GABPB1: variants seen among roughly 807,000 people sequenced by gnomAD.
The protein encoded by GABPB1 is GA binding protein transcription factor subunit beta 1, also known as GA-binding protein subunit beta-1.
A neutral mutation model predicts 45.9 loss-of-function variants in GABPB1; 15 were observed. The observed-to-expected ratio is 0.33, with a 90% CI of 0.22 to 0.50. GABPB1 has a LOEUF of 0.50. Ranked by LOEUF, GABPB1 falls within the 20% of genes least tolerant of loss-of-function variation. The pLI is 0.98. For missense variants in GABPB1, 252 were observed against 457.5 expected (o/e 0.55, Z 4.10); for synonymous variants, 143 against 154.4 (o/e 0.93, Z 0.55).
intron 7 of GABPB1, among the ~76,000 whole-genome samples, chr15:50,288,787 T>C (rs2046248827): frequency 6.6e-6 from 1 of 152,168 alleles, no homozygotes; most frequent in African/African-American, 2.4e-5. Flanking sequence ...GCTGCTAAAA[T>C]GTGCTACCAT....
chr15:50,354,761 C>T, intron 1 of GABPB1: 1 of 259,922 alleles, frequency 3.8e-6, no homozygotes, highest in South Asian at 3.1e-5. Flanking sequence ...AAGCAGTGTG[C>T]CCAGCGGACA....
At chr15:50,343,114 TG>T (rs2048440747) in intron 1 of GABPB1, among the ~76,000 whole-genome samples, 1 of 152,214 alleles carries the variant, frequency 6.6e-6, no homozygotes, top group Non-Finnish European at 1.5e-5. Flanking sequence ...TTAGCCAGGA[TG>T]GTCTCGATCT....
chr15:50,296,559 A>G (rs1279057655), intron 6 of GABPB1, among the ~76,000 whole-genome samples: 1 of 152,212 alleles, frequency 6.6e-6, no homozygotes, highest in Admixed American at 6.5e-5. Context: ...GGTCACAGAC[A>G]TATACCTTGG....
In GABPB1 at chr15:50,300,429, G is replaced by GTTTTTTTTTTTTTTT. The variant is rs1363908199; in HGVS notation, c.697+359_697+360insAAAAAAAAAAAAAAA. Among the ~76,000 whole-genome samples, 2 of 72,174 alleles carry GTTTTTTTTTTTTTTT rather than the reference G, an allele frequency of 2.8e-5. 1 individual carries two copies. The highest frequency in any genetic ancestry group is 5.3e-5 in the Non-Finnish European group (2 of 37,620). 47.3% of individuals were successfully genotyped at this position (72,174 alleles called of 152,430 possible). ...TTTGTAAATATTTGAATCTGCAACT[G>GTTTTTTTTTTTTTTT]TTTTTGGTTTTTTTTTTTTTTTTTT... is the stretch of plus-strand genomic sequence containing the variant. On this transcript the variant is annotated intron_variant, in intron 6 of 8. Coordinates refer to ENST00000380877, the MANE Select transcript of GABPB1 (RefSeq NM_016654.5).
In GABPB1 at chr15:50,337,800, C is replaced by A. The variant is rs150330629; in HGVS notation, c.-1+17185G>T. On this transcript the variant is annotated intron_variant, in intron 1 of 8. Transcript: ENST00000380877. ...AAGAAAAAAAAAGAATTACTTAGTTCTTTTTCATTACTGTTCCATACCCAA... is the reference window on the plus strand; with the variant it reads ...AAGAAAAAAAAAGAATTACTTAGTTATTTTTCATTACTGTTCCATACCCAA... Among the ~76,000 whole-genome samples, 334 of 152,164 alleles carry A rather than the reference C, an allele frequency of 2.2e-3. 2 individuals are homozygous for A. Among genetic ancestry groups the A allele is most frequent in the African/African-American group, 7.8e-3 (322 of 41,532 alleles).
At chr15:50,284,625 G>A (rs568455589) in intron 8 of GABPB1, among the ~76,000 whole-genome samples, 28 of 152,178 alleles carry the variant, frequency 1.8e-4, no homozygotes, top group African/African-American at 5.8e-4. Flanking sequence ...GGTAAATAAA[G>A]GTATAGGCTG....
intron 2 of GABPB1, 78 bp downstream of exon 2, chr15:50,309,613 A>G: frequency 1.2e-6 from 1 of 844,626 alleles, no homozygotes; most frequent in Non-Finnish European, 2.0e-6. Context: ...TATAAACACA[A>G]TACTGACTAC....
At chr15:50,302,880 GAT>G (rs1379922874) in intron 4 of GABPB1, 47 bp downstream of exon 4, 6 of 1,265,638 alleles carry the variant, frequency 4.7e-6, no homozygotes, top group African/African-American at 3.0e-5. Flanking sequence ...TCCCTCTACT[GAT>G]AAGGCTTCTT....
At chr15:50,338,747 G>T (rs2048235573) in intron 1 of GABPB1, among the ~76,000 whole-genome samples, 1 of 152,196 alleles carries the variant, frequency 6.6e-6, no homozygotes, top group South Asian at 2.1e-4. Context: ...CAGGATTACA[G>T]GCGTGAGCCA....
chr15:50,323,451 G>A (rs2047644802), intron 1 of GABPB1, among the ~76,000 whole-genome samples: 2 of 152,128 alleles, frequency 1.3e-5, no homozygotes, highest in South Asian at 4.1e-4. Context: ...AACACGTGCA[G>A]AGGCAAGAAG....
chr15:50,316,445 A>T (rs1197898297), intron 1 of GABPB1, among the ~76,000 whole-genome samples: 6 of 152,214 alleles, frequency 3.9e-5, no homozygotes, highest in East Asian at 3.8e-4. Flanking sequence ...ATGAATTTTT[A>T]AAATGTTTAC....
intron 1 of GABPB1, among the ~76,000 whole-genome samples, chr15:50,348,500 C>A (rs1340500588): frequency 1.3e-5 from 2 of 151,956 alleles, no homozygotes; most frequent in East Asian, 3.9e-4. Context: ...ATCCGCCCGC[C>A]TCGGCCTCCC....
At chr15:50,303,698 AAG>A (rs2046840539) in intron 3 of GABPB1, among the ~76,000 whole-genome samples, 1 of 151,232 alleles carries the variant, frequency 6.6e-6, no homozygotes, top group Non-Finnish European at 1.5e-5. Context: ...AAAAAACAAA[AAG>A]AAAAAATGCT....
At position 50,288,929 on chromosome 15, in the gene GABPB1, A is replaced by G. The variant is rs565556776; in HGVS notation, c.883+554T>C. ...CAGCTTCAACCTCCTGGGCTCTAGC[A>G]ATTCTCCCACTCCAGGCTCCCAAGT... On this transcript the variant is annotated intron_variant, in intron 7 of 8. Transcript: ENST00000380877. Among the ~76,000 whole-genome samples, 8 of 151,982 alleles carry G rather than the reference A, an allele frequency of 5.3e-5. No individual in the cohort carries two copies. The South Asian group carries it at 1.5e-3, about 28-fold the overall frequency.
intron 6 of GABPB1, among the ~76,000 whole-genome samples, chr15:50,297,811 G>C (rs1272364660): frequency 6.6e-6 from 1 of 152,156 alleles, no homozygotes; most frequent in Non-Finnish European, 1.5e-5. Context: ...CTCCAGCCTG[G>C]GGTGACAGAG....
chr15:50,335,890 C>T (rs1190818201), intron 1 of GABPB1, among the ~76,000 whole-genome samples: 4 of 91,106 alleles, frequency 4.4e-5, no homozygotes, highest in Non-Finnish European at 6.1e-5. Flanking sequence ...AGCAAGACTC[C>T]GACTCAAAAA....
At chr15:50,325,030 T>C (rs1036736838) in intron 1 of GABPB1, among the ~76,000 whole-genome samples, 8 of 152,238 alleles carry the variant, frequency 5.3e-5, no homozygotes, top group African/African-American at 1.9e-4. Context: ...TCCCTGAAAA[T>C]ACCATGCCCA....
rs72738914 is a variant in GABPB1, at chr15:50,306,469, A to C, written c.109-2336T>G. ...ACATGGTGAAACCTCATCTACTAAA[A>C]ATAAAAAATTAGCTGGGTGTGAGGG... On this transcript the variant is annotated intron_variant, in intron 2 of 8. Transcript: ENST00000380877. 7.9e-5 allele frequency among the ~76,000 whole-genome samples: 12 copies of C among 152,172 alleles called. No individual in the cohort carries two copies. In the South Asian group the frequency reaches 1.7e-3, roughly 21 times the overall value.
At position 50,281,500 on chromosome 15, in the gene GABPB1, T is replaced by C. The variant is rs565799992; in HGVS notation, c.1000-2716A>G. ...TGCTAGGATTACAGGCGTGAGCCAC[T>C]GCGCCCGGCCTAAATGTTTTTTAAA... On this transcript the variant is annotated intron_variant, in intron 8 of 8. Coordinates refer to ENST00000380877, the MANE Select transcript of GABPB1 (RefSeq NM_016654.5). Among the ~76,000 whole-genome samples the C allele has an allele frequency of 1.5e-3, 229 of 152,278 alleles. 2 individuals carry two copies. The highest frequency in any genetic ancestry group is 3.2e-3 in the African/African-American group (135 of 41,578).
Sources: gnomAD v4.1 joint callset for allele counts (sites outside exome capture counted in the v4.1 genomes callset) on GRCh38, gnomAD v4.1.1 for gene constraint, MANE v1.5 for transcripts, NCBI Gene and HGNC (gene_info 2026-07-23, HGNC 2026-07-21) for gene names.